Variants in TRAM1 observed in about 807,000 individuals in gnomAD.
TRAM1 encodes translocating chain-associated membrane protein 1.
Under a neutral mutation model 48.7 loss-of-function variants are expected in TRAM1, and 17 were observed. That is an observed-to-expected ratio of 0.35 (90% confidence interval 0.24 to 0.52). The LOEUF is 0.52. Ranked by LOEUF, TRAM1 falls within the 20% of genes least tolerant of loss-of-function variation. TRAM1 has a pLI of 0.94. For synonymous variants in TRAM1, 182 were observed against 154.0 expected, an observed-to-expected ratio of 1.18 and a Z score of -1.34; for missense variants, 351 against 441.5, an observed-to-expected ratio of 0.79 and a Z score of 1.84.
At position 70,574,246 on chromosome 8, in the gene TRAM1, T is replaced by G; in HGVS notation, c.*686A>C. On this transcript the variant is annotated 3_prime_UTR_variant, in exon 11 of 11. Coordinates refer to ENST00000262213, the MANE Select transcript of TRAM1 (RefSeq NM_014294.6). Reference sequence around the variant, plus strand: ...ATTTCCAGTTTACAAGTATTGAAAATGCACAAGAAAGATTTTACTTCACAA... The same window carrying G: ...ATTTCCAGTTTACAAGTATTGAAAAGGCACAAGAAAGATTTTACTTCACAA... The G allele has an allele frequency of 2.4e-6, 1 of 414,740 alleles. No homozygotes were observed. 25.7% of individuals were successfully genotyped at this position (414,740 alleles called of 1,614,324 possible).
At position 70,574,230 on chromosome 8, in the gene TRAM1, T is replaced by C; in HGVS notation, c.*702A>G. ...TAGTAAATATTTTCTGATTTCCAGT[T>C]TACAAGTATTGAAAATGCACAAGAA... On this transcript the variant is annotated 3_prime_UTR_variant, in exon 11 of 11. Transcript: ENST00000262213. The C allele has an allele frequency of 2.4e-6, 1 of 411,984 alleles. No individual in the cohort carries two copies. Among genetic ancestry groups the C allele is most frequent in the Admixed American group, 3.4e-5 (1 of 29,756 alleles). 25.5% of individuals were successfully genotyped at this position (411,984 alleles called of 1,614,324 possible). A position where few individuals can be genotyped will look rare whatever the true frequency, so the allele number is the denominator to read the frequency against.
intron 1 of TRAM1, among the ~76,000 whole-genome samples, chr8:70,603,870 A>G (rs1422056741): frequency 2.6e-5 from 3 of 113,284 alleles, no homozygotes; most frequent in Non-Finnish European, 5.4e-5. Context: ...GAGTTTAAAT[A>G]GAAGAAGAAG....
intron 10 of TRAM1, among the ~76,000 whole-genome samples, chr8:70,581,099 T>A (rs990553099): frequency 1.3e-5 from 2 of 152,176 alleles, no homozygotes; most frequent in Admixed American, 6.5e-5. Context: ...AGAATTCATA[T>A]TAAAATGGCT....
chr8:70,607,259 G>A, intron 1 of TRAM1: 1 of 985,148 alleles, frequency 1.0e-6, no homozygotes, highest in Non-Finnish European at 1.2e-6. Flanking sequence ...TACGTGGGAA[G>A]AGAATTTACA....
At chr8:70,578,670 G>A (rs890480101) in intron 10 of TRAM1, among the ~76,000 whole-genome samples, 2 of 152,202 alleles carry the variant, frequency 1.3e-5, no homozygotes, top group Non-Finnish European at 2.9e-5. Context: ...GGCTTAGTTG[G>A]TGAACACTTC....
At position 70,587,152 on chromosome 8, in the gene TRAM1, A is replaced by T. The variant is rs1817240605; in HGVS notation, c.595T>A (p.Tyr199Asn). The change falls in exon 7 of 11, where the codon TAC becomes AAC. Residue 199 changes from tyrosine (Y) to asparagine (N), a missense_variant. Coordinates refer to ENST00000262213, the MANE Select transcript of TRAM1 (RefSeq NM_014294.6). ...KKEDIPRQLV[Y>N]IGLYLFHIAG... The stretch of plus-strand genomic sequence containing the variant: ...ATGTGGAAGAGGTAAAGACCAATGT[A>T]GACAAGCTGACGAGGAATATCTTCC... The T allele has an allele frequency of 4.3e-6, 7 of 1,613,840 alleles. No homozygotes were observed. Among genetic ancestry groups the T allele is most frequent in the Non-Finnish European group, 5.1e-6 (6 of 1,179,906 alleles).
rs1817794455 is a variant in TRAM1 at position 70,608,206 on chromosome 8, G to A, written c.-7C>T. 2 of 1,585,026 alleles carry A rather than the reference G, an allele frequency of 1.3e-6. No homozygotes were observed. Among genetic ancestry groups the A allele is most frequent in the Non-Finnish European group, 8.6e-7 (1 of 1,168,458 alleles). On this transcript the variant is annotated 5_prime_UTR_variant, in exon 1 of 11. Coordinates refer to ENST00000262213, the MANE Select transcript of TRAM1 (RefSeq NM_014294.6). ...TTTTCTTGCGAATCGCCATGGTGGG[G>A]CCGCCGCCCGCGCCTGCAGGTGCTC...
intron 10 of TRAM1, among the ~76,000 whole-genome samples, chr8:70,577,977 T>A (rs1816995459): frequency 6.6e-6 from 1 of 152,230 alleles, no homozygotes; most frequent in Non-Finnish European, 1.5e-5. Context: ...TGTCTGGCTG[T>A]GCGCAGTGGC....
At chr8:70,591,742 C>A (rs1294280484) in intron 6 of TRAM1, among the ~76,000 whole-genome samples, 2 of 152,074 alleles carry the variant, frequency 1.3e-5, no homozygotes, top group Non-Finnish European at 2.9e-5. Flanking sequence ...ATAATTAAAT[C>A]TTTACAAAGC....
chr8:70,594,650 A>C, intron 5 of TRAM1, 60 bp from the exon 6 acceptor site: 1 of 1,341,938 alleles, frequency 7.5e-7, no homozygotes, highest in Non-Finnish European at 1.0e-6. Context: ...AAAAAAAAGT[A>C]AACAAATACT....
chr8:70,587,190 C>T lies in TRAM1; in HGVS notation c.571-14G>A, dbSNP rs138708539. ...AGGAATATCTTCCTGTAAAAAAATA[C>T]ATTATAGATTAAAACATGCTAAAAC... On this transcript the variant is annotated splice_polypyrimidine_tract_variant and intron_variant, in intron 6 of 10. Transcript: ENST00000262213. 1.7e-5 allele frequency: 27 copies of T among 1,608,812 alleles called. No individual in the cohort carries two copies. The Middle Eastern group carries it at 2.2e-3, about 131-fold the overall frequency.
At chr8:70,586,043 A>G (rs1278742775) in intron 8 of TRAM1, among the ~76,000 whole-genome samples, 3 of 151,212 alleles carry the variant, frequency 2.0e-5, no homozygotes, top group Admixed American at 2.0e-4. Context: ...ACAATGATAG[A>G]CTGGATTAAG....
At chr8:70,596,819 TAAA>T (rs34126420) in intron 4 of TRAM1, among the ~76,000 whole-genome samples, 8 of 122,470 alleles carry the variant, frequency 6.5e-5, no homozygotes, top group Non-Finnish European at 1.0e-4. Context: ...ACTGCATATG[TAAA>T]AAAAAAAAAA....
At chr8:70,593,472 C>T (rs898875371) in intron 6 of TRAM1, among the ~76,000 whole-genome samples, 5 of 151,126 alleles carry the variant, frequency 3.3e-5, no homozygotes, top group South Asian at 2.1e-4. Context: ...AAGATTCTGA[C>T]ATACCCGTAA....
chr8:70,581,575 A>G (rs901046813), intron 10 of TRAM1, among the ~76,000 whole-genome samples: 1 of 152,234 alleles, frequency 6.6e-6, no homozygotes, highest in Non-Finnish European at 1.5e-5. Context: ...AATGTTAAAC[A>G]TAGTTACCGC....
intron 9 of TRAM1, 48 bp from the exon 10 acceptor site, chr8:70,583,372 A>C (rs1299730876): frequency 1.9e-6 from 3 of 1,562,932 alleles, no homozygotes; most frequent in Middle Eastern, 1.8e-4. Flanking sequence ...AAACAATGCC[A>C]CTGAATACAT....
At chr8:70,595,517 T>C (rs1475510560) in intron 5 of TRAM1, among the ~76,000 whole-genome samples, 1 of 152,142 alleles carries the variant, frequency 6.6e-6, no homozygotes, top group Non-Finnish European at 1.5e-5. Flanking sequence ...AAATACTGTG[T>C]AGGTGACAAG....
At chr8:70,605,462 ATTTC>A (rs1284471445) in intron 1 of TRAM1, among the ~76,000 whole-genome samples, 4 of 152,218 alleles carry the variant, frequency 2.6e-5, no homozygotes, top group Middle Eastern at 6.8e-3. Flanking sequence ...TTCTTTCTGA[ATTTC>A]TTTGTCAATG....
At chr8:70,581,934 T>C (rs1335040468) in intron 10 of TRAM1, among the ~76,000 whole-genome samples, 1 of 152,118 alleles carries the variant, frequency 6.6e-6, no homozygotes, top group African/African-American at 2.4e-5. Flanking sequence ...GAAAATAGAT[T>C]AGAGGGTGCC....
Sources: allele counts gnomAD v4.1 joint callset (sites outside exome capture counted in the v4.1 genomes callset), GRCh38; gene constraint gnomAD v4.1.1; transcripts MANE v1.5; gene names NCBI Gene and HGNC (gene_info 2026-07-23, HGNC 2026-07-21).